CNTNAP2: variants seen among roughly 807,000 people sequenced by gnomAD.
The protein encoded by CNTNAP2 is contactin associated protein 2.
Under a neutral mutation model 155.2 loss-of-function variants are expected in CNTNAP2, and 98 were observed. The ratio of observed to expected loss-of-function variants is 0.63; its 90% CI spans 0.54 to 0.75. The LOEUF is 0.75. CNTNAP2 is among the 30% of genes least tolerant of loss of function. CNTNAP2 has a pLI of 0.00. For missense variants in CNTNAP2, 1,727 were observed against 1,688.1 expected (o/e 1.02, Z -0.40); for synonymous variants, 651 against 631.2 (o/e 1.03, Z -0.47).
At chr7:146,569,544 A>C (rs1372963396) in intron 1 of CNTNAP2, among the ~76,000 whole-genome samples, 1 of 152,176 alleles carries the variant, frequency 6.6e-6, no homozygotes, top group Non-Finnish European at 1.5e-5. Flanking sequence ...AATCCTTTCC[A>C]ACGCTCTGAT....
intron 13 of CNTNAP2, among the ~76,000 whole-genome samples, chr7:147,891,011 T>A (rs1251077876): frequency 2.0e-5 from 3 of 152,214 alleles, no homozygotes; most frequent in Non-Finnish European, 4.4e-5. Context: ...AGTGCATACA[T>A]ATTTCAAAAC....
intron 18 of CNTNAP2, among the ~76,000 whole-genome samples, chr7:148,197,718 CCT>C (rs1795298871): frequency 6.6e-6 from 1 of 152,118 alleles, no homozygotes; most frequent in Admixed American, 6.6e-5. Flanking sequence ...AGGCTTGAGC[CCT>C]CTGACAGCTC....
chr7:147,758,581 G>A (rs1055477604), intron 13 of CNTNAP2, among the ~76,000 whole-genome samples: 2 of 152,044 alleles, frequency 1.3e-5, no homozygotes, highest in Non-Finnish European at 2.9e-5. Context: ...TGGTGGCTCA[G>A]GCCTGTAATA....
chr7:146,884,597 A>G (rs1795620232), intron 3 of CNTNAP2, among the ~76,000 whole-genome samples: 2 of 152,104 alleles, frequency 1.3e-5, no homozygotes, highest in South Asian at 4.1e-4. Context: ...ATGAGGTCCC[A>G]TACATATGGG....
intron 15 of CNTNAP2, among the ~76,000 whole-genome samples, chr7:148,112,342 C>T (rs1049787651): frequency 1.3e-5 from 2 of 151,624 alleles, no homozygotes; most frequent in African/African-American, 2.4e-5. Flanking sequence ...AAAGAAAATA[C>T]AAGTAGATTT....
chr7:148,237,806 G>A (rs1033493579), intron 20 of CNTNAP2, among the ~76,000 whole-genome samples: 1 of 152,190 alleles, frequency 6.6e-6, no homozygotes, highest in Non-Finnish European at 1.5e-5. Context: ...TGAAACATTG[G>A]TGGCCGGGGG....
At chr7:147,604,969 AT>A (rs1228729113) in intron 12 of CNTNAP2, among the ~76,000 whole-genome samples, 5 of 152,072 alleles carry the variant, frequency 3.3e-5, no homozygotes, top group Non-Finnish European at 5.9e-5. Flanking sequence ...AATAAATGAC[AT>A]TTTCAGCTTT....
intron 3 of CNTNAP2, among the ~76,000 whole-genome samples, chr7:146,937,351 C>CAA (rs71165050): frequency 0.044 from 5,880 of 134,760 alleles, 137 homozygotes; most frequent in Middle Eastern, 0.09. Context: ...ACTCTTGTCT[C>CAA]AAAAAAAAAA....
At chr7:146,601,507 G>A (rs1453133985) in intron 1 of CNTNAP2, among the ~76,000 whole-genome samples, 1 of 152,028 alleles carries the variant, frequency 6.6e-6, no homozygotes, top group Admixed American at 6.6e-5. Flanking sequence ...CAGATAGGAA[G>A]ACTCGATACT....
At chr7:146,508,512 A>G (rs1289147842) in intron 1 of CNTNAP2, among the ~76,000 whole-genome samples, 3 of 152,178 alleles carry the variant, frequency 2.0e-5, no homozygotes, top group African/African-American at 4.8e-5. Context: ...GTTCCCATAG[A>G]TGAGGCTACA....
chr7:148,045,936 CA>C (rs1303886611), intron 15 of CNTNAP2, among the ~76,000 whole-genome samples: 1 of 152,114 alleles, frequency 6.6e-6, no homozygotes, highest in Non-Finnish European at 1.5e-5. Context: ...TTATTAATGA[CA>C]GGGATATAAT....
chr7:146,172,309 C>G (rs1194320900), intron 1 of CNTNAP2, among the ~76,000 whole-genome samples: 1 of 152,028 alleles, frequency 6.6e-6, no homozygotes, highest in African/African-American at 2.4e-5. Context: ...CTACTGACAT[C>G]TAGTGGGTGG....
intron 3 of CNTNAP2, among the ~76,000 whole-genome samples, chr7:147,028,183 T>A (rs1197020733): frequency 6.6e-6 from 1 of 152,148 alleles, no homozygotes; most frequent in African/African-American, 2.4e-5. Flanking sequence ...ACCAAAAAGG[T>A]TCCTTAGGGT....
At chr7:146,535,214 ATAT>A (rs1169414313) in intron 1 of CNTNAP2, among the ~76,000 whole-genome samples, 1 of 18,892 alleles carries the variant, frequency 5.3e-5, no homozygotes, top group Non-Finnish European at 8.3e-5. Flanking sequence ...CATATATATG[ATAT>A]TATATCATAT....
At chr7:147,686,873 A>G (rs1339650286) in intron 13 of CNTNAP2, among the ~76,000 whole-genome samples, 2 of 151,984 alleles carry the variant, frequency 1.3e-5, no homozygotes, top group East Asian at 3.9e-4. Context: ...AAAAAGCTGT[A>G]TAATTTTTAA....
chr7:146,886,258 T>G (rs540829819), intron 3 of CNTNAP2, among the ~76,000 whole-genome samples: 7 of 146,492 alleles, frequency 4.8e-5, no homozygotes, highest in African/African-American at 1.8e-4. Context: ...TGCTATCAAT[T>G]TTTTGTTCAG....
At position 148,249,612 on chromosome 7, in the gene CNTNAP2, A is replaced by G. The variant is rs551744299; in HGVS notation, c.3382-17421A>G. Among the ~76,000 whole-genome samples, 16 of 152,260 alleles carry G rather than the reference A, an allele frequency of 1.1e-4. 1 individual carries two copies. The South Asian group carries it at 3.1e-3, about 30-fold the overall frequency. On this transcript the variant is annotated intron_variant, in intron 20 of 23. Coordinates refer to ENST00000361727, the MANE Select transcript of CNTNAP2 (RefSeq NM_014141.6). ...GATGTCTGATAAACACTCCGAACAC[A>G]ATATCTCCAAATCTGACCTCCTGAT...
intron 1 of CNTNAP2, among the ~76,000 whole-genome samples, chr7:146,705,037 G>A (rs564997448): frequency 1.3e-5 from 2 of 152,220 alleles, no homozygotes; most frequent in East Asian, 3.9e-4. Context: ...TTTGCTAAAA[G>A]GATTTGACTA....
chr7:146,565,690 C>T (rs1798347054), intron 1 of CNTNAP2, among the ~76,000 whole-genome samples: 2 of 152,184 alleles, frequency 1.3e-5, no homozygotes, highest in African/African-American at 4.8e-5. Context: ...GAAATGTAGG[C>T]ATACACAATG....
Sources: gnomAD v4.1 joint callset for allele counts (sites outside exome capture counted in the v4.1 genomes callset) on GRCh38, gnomAD v4.1.1 for gene constraint, MANE v1.5 for transcripts, NCBI Gene and HGNC (gene_info 2026-07-23, HGNC 2026-07-21) for gene names.